SAMD12: variants seen among roughly 807,000 people sequenced by gnomAD.
SAMD12 encodes the protein sterile alpha motif domain containing 12.
SAMD12 carries 9 observed loss-of-function variants against 15.0 expected under a neutral mutation model. That is an observed-to-expected ratio of 0.60 (90% CI 0.36 to 1.05). The LOEUF (loss-of-function observed/expected upper bound fraction) is 1.05. Among genes scored for constraint, SAMD12 ranks in the 50% least tolerant of loss-of-function variants. SAMD12 has a pLI of 0.01. For synonymous variants in SAMD12, 86 were observed against 90.1 expected (o/e 0.96, Z 0.25); for missense variants, 230 against 234.2 (o/e 0.98, Z 0.12).
chr8:118,570,911 G>A (rs113040745), intron 2 of SAMD12, among the ~76,000 whole-genome samples: 1,557 of 152,210 alleles, frequency 0.01, 26 homozygotes, highest in African/African-American at 0.035. Flanking sequence ...GAGTTCCCCT[G>A]CACAAGCTCT....
chr8:118,587,693 A>G (rs1786390562), intron 1 of SAMD12, among the ~76,000 whole-genome samples: 1 of 152,168 alleles, frequency 6.6e-6, no homozygotes, highest in African/African-American at 2.4e-5. Flanking sequence ...TACAAAGATG[A>G]AAAAAAGTCA....
intron 2 of SAMD12, among the ~76,000 whole-genome samples, chr8:118,465,317 C>CT (rs368940959): frequency 1.7e-4 from 25 of 151,278 alleles, no homozygotes; most frequent in African/African-American, 5.8e-4. Flanking sequence ...GATTACTCAA[C>CT]TTTTTTTTTG....
chr8:118,600,726 C>A (rs1477093744), intron 1 of SAMD12, among the ~76,000 whole-genome samples: 2 of 152,066 alleles, frequency 1.3e-5, no homozygotes, highest in Non-Finnish European at 2.9e-5. Context: ...GGACTATTTC[C>A]CATCTCAAGA....
At chr8:118,531,131 T>G (rs1295542283) in intron 2 of SAMD12, among the ~76,000 whole-genome samples, 1 of 152,254 alleles carries the variant, frequency 6.6e-6, no homozygotes, top group African/African-American at 2.4e-5. Context: ...GGATCCAGTT[T>G]CAGCTTTCTA....
At chr8:118,406,299 A>G (rs1821126118) in intron 3 of SAMD12, among the ~76,000 whole-genome samples, 2 of 152,004 alleles carry the variant, frequency 1.3e-5, no homozygotes, top group South Asian at 4.2e-4. Flanking sequence ...TTTGAGATGC[A>G]GTCTTGCTCT....
rs545831382 is a variant in SAMD12 at position 118,536,497 on chromosome 8, G to A, written c.192+44218C>T. ...ACACACACACACATAAATGGATACA[G>A]AGGCCCAGACTTATGTACCTTCTGA... is the stretch of plus-strand genomic sequence containing the variant. On this transcript the variant is annotated intron_variant, in intron 2 of 3. Coordinates refer to ENST00000314727, the MANE Select transcript of SAMD12 (RefSeq NM_207506.3). 9.1e-5 allele frequency among the ~76,000 whole-genome samples: 13 copies of A among 142,094 alleles called. No individual in the cohort carries two copies. In the East Asian group the frequency reaches 2.6e-3, roughly 29 times the overall value. The allele number at this position is 142,094 out of a possible 152,430, so 93.2% of individuals were successfully genotyped here.
intron 2 of SAMD12, among the ~76,000 whole-genome samples, chr8:118,452,993 T>G (rs752659924): frequency 6.6e-6 from 1 of 152,228 alleles, no homozygotes; most frequent in Non-Finnish European, 1.5e-5. Flanking sequence ...TCCTCTTGTC[T>G]CTTCTTCTGA....
At chr8:118,569,419 A>G (rs536877316) in intron 2 of SAMD12, among the ~76,000 whole-genome samples, 1 of 152,286 alleles carries the variant, frequency 6.6e-6, no homozygotes, top group South Asian at 2.1e-4. Context: ...AATATTCCAA[A>G]ATCTAAAAAA....
the SAMD12 span, among the ~76,000 whole-genome samples, chr8:118,173,552 T>TTA: frequency 0.018 from 2,672 of 147,592 alleles, 80 homozygotes; most frequent in African/African-American, 0.061. Context: ...TATCTAATAT[T>TTA]TATATATATA....
chr8:118,254,706 C>T (rs1456106369), intron 4 of SAMD12, among the ~76,000 whole-genome samples: 4 of 152,020 alleles, frequency 2.6e-5, no homozygotes, highest in Admixed American at 6.6e-5. Flanking sequence ...GCCCACTGCA[C>T]GGCTGTGCTG....
At chr8:118,297,509 T>C (rs1814776474) in intron 4 of SAMD12, among the ~76,000 whole-genome samples, 1 of 152,164 alleles carries the variant, frequency 6.6e-6, no homozygotes, top group African/African-American at 2.4e-5. Flanking sequence ...GGTATGTCCA[T>C]TTAAAAAGCA....
chr8:118,178,579 C>T, the SAMD12 span, among the ~76,000 whole-genome samples: 1 of 152,106 alleles, frequency 6.6e-6, no homozygotes, highest in East Asian at 1.9e-4. Context: ...GATTCTCCTG[C>T]CTCAGCCTCC....
chr8:118,406,381 C>A (rs1372664619), intron 3 of SAMD12, among the ~76,000 whole-genome samples: 1 of 152,122 alleles, frequency 6.6e-6, no homozygotes, highest in African/African-American at 2.4e-5. Context: ...TCAAGTGATT[C>A]TCCTGTCTCA....
intron 2 of SAMD12, among the ~76,000 whole-genome samples, chr8:118,522,189 CACACACACAT>C (rs753166497): frequency 0.11 from 12,026 of 110,478 alleles, 561 homozygotes; most frequent in South Asian, 0.26. Context: ...TACACACACA[CACACACACAT>C]ACACACACAC....
intron 4 of SAMD12, among the ~76,000 whole-genome samples, chr8:118,244,379 T>C (rs535435253): frequency 6.6e-6 from 1 of 152,242 alleles, no homozygotes; most frequent in African/African-American, 2.4e-5. Flanking sequence ...AAGACCATTG[T>C]CTCTAGGAAC....
intron 2 of SAMD12, among the ~76,000 whole-genome samples, chr8:118,474,201 T>C (rs533112177): frequency 6.6e-6 from 1 of 152,164 alleles, no homozygotes; most frequent in South Asian, 2.1e-4. Flanking sequence ...CCTCAAGTGA[T>C]CCTCCCACCT....
chr8:118,383,398 A>C (rs1039045027), intron 3 of SAMD12, among the ~76,000 whole-genome samples: 4 of 152,208 alleles, frequency 2.6e-5, no homozygotes, highest in Non-Finnish European at 5.9e-5. Flanking sequence ...ATGAGTAATG[A>C]ACATGTAACC....
intron 2 of SAMD12, among the ~76,000 whole-genome samples, chr8:118,488,754 C>G (rs1824356661): frequency 6.6e-6 from 1 of 152,174 alleles, no homozygotes; most frequent in Admixed American, 6.5e-5. Flanking sequence ...CCTCCCTTCT[C>G]CTATTGGTGG....
intron 2 of SAMD12, among the ~76,000 whole-genome samples, chr8:118,448,793 G>C (rs888079386): frequency 1.3e-5 from 2 of 152,322 alleles, no homozygotes; most frequent in Admixed American, 1.3e-4. Context: ...TGGGTTGAAG[G>C]CTCTGGCATT....
Sources: allele counts gnomAD v4.1 joint callset (sites outside exome capture counted in the v4.1 genomes callset), GRCh38; gene constraint gnomAD v4.1.1; transcripts MANE v1.5; gene names NCBI Gene and HGNC (gene_info 2026-07-23, HGNC 2026-07-21).